Variants in COCH observed in about 807,000 individuals in gnomAD.
COCH encodes coagulation factor C homolog, cochlin (Limulus polyphemus).
Under a neutral mutation model 54.8 loss-of-function variants are expected in COCH, and 40 were observed. The ratio of observed to expected loss-of-function variants is 0.73; its 90% CI spans 0.57 to 0.95. COCH has a LOEUF of 0.95. Among genes scored for constraint, COCH ranks in the 40% least tolerant of loss-of-function variants. COCH has a pLI of 0.00. For missense variants in COCH, 605 were observed against 675.0 expected (o/e 0.90, Z 1.15); for synonymous variants, 256 against 237.9 (o/e 1.08, Z -0.70).
In COCH at chr14:30,885,791, A is replaced by G. The variant is rs747378845; in HGVS notation, c.961-5A>G. On this transcript the variant is annotated splice_region_variant and splice_polypyrimidine_tract_variant and intron_variant, in intron 10 of 11. Transcript: ENST00000396618. ...TGGATATCTTTTATGTGTCTCCCCC[A>G]TTAGGCTGTCTGTCGGAATAATGGC... 19 of 1,613,876 alleles carry G rather than the reference A, an allele frequency of 1.2e-5. No homozygotes were observed. The highest frequency in any genetic ancestry group is 5.9e-6 in the Non-Finnish European group (7 of 1,179,984).
At chr14:30,878,728 A>G in intron 4 of COCH, 83 bp from the exon 5 acceptor site, 1 of 1,589,890 alleles carries the variant, frequency 6.3e-7, no homozygotes, top group Non-Finnish European at 8.6e-7. Context: ...AATCAAAGCA[A>G]TAGATACAAC....
Position 30,885,543 on chromosome 14 carries a change from A to G in COCH, c.883A>G (p.Asn295Asp). 6.2e-7 allele frequency: 1 copy of G among 1,613,472 alleles called. No homozygotes were observed. The highest frequency in any genetic ancestry group is 8.5e-7 in the Non-Finnish European group (1 of 1,179,390). ...AGIVAREFGV[N>D]VFIVSVAKPI... ...CATTGTGGCCAGAGAGTTTGGTGTC[A>G]ATGTATTTATAGTTTCTGTGGCCAA... The change falls in exon 10 of 12, where the codon AAT becomes GAT. Residue 295 changes from asparagine to aspartate, a missense_variant. Transcript: ENST00000396618.
chr14:30,876,800 T>G (rs573805342), intron 3 of COCH, among the ~76,000 whole-genome samples: 2 of 149,140 alleles, frequency 1.3e-5, no homozygotes, highest in African/African-American at 4.9e-5. Flanking sequence ...GATTTAAAAA[T>G]TTTTTTTTTT....
chr14:30,879,070 G>C (rs1200928043), intron 5 of COCH, 126 bp downstream of exon 5: 1 of 1,380,904 alleles, frequency 7.2e-7, no homozygotes, highest in Non-Finnish European at 1.0e-6. Context: ...CTGACCTATA[G>C]AGGTAAACTG....
intron 11 of COCH, among the ~76,000 whole-genome samples, chr14:30,887,348 C>T (rs560925841): frequency 4.2e-4 from 64 of 151,004 alleles, no homozygotes; most frequent in African/African-American, 1.5e-3. Context: ...GAACTGAGAT[C>T]GTGCCATTGT....
rs763064870 is a variant in COCH at position 30,885,785 on chromosome 14, TC to T, written c.961-6del. ...TCCTTTTGGATATCTTTTATGTGTC[TC>T]CCCCATTAGGCTGTCTGTCGGAATA... On this transcript the variant is annotated splice_polypyrimidine_tract_variant and intron_variant, in intron 10 of 11. Transcript: ENST00000396618. 3.7e-6 allele frequency: 6 copies of T among 1,613,550 alleles called. No homozygotes were observed. In the East Asian group the frequency reaches 1.1e-4, roughly 30 times the overall value.
chr14:30,892,082 A>G (rs566888369), downstream of COCH, among the ~76,000 whole-genome samples: 55 of 148,696 alleles, frequency 3.7e-4, no homozygotes, highest in African/African-American at 1.2e-3. Context: ...AGAAATCAAC[A>G]TATTAAGATT....
intron 11 of COCH, among the ~76,000 whole-genome samples, chr14:30,888,664 T>G (rs1403070575): frequency 6.6e-6 from 1 of 151,944 alleles, no homozygotes; most frequent in Admixed American, 6.6e-5. Flanking sequence ...GGCATGCGCT[T>G]GTAGTCCCAG....
At chr14:30,893,808 T>C (rs1896056996), downstream of COCH, 1 of 152,600 alleles carries the variant, frequency 6.6e-6, no homozygotes, top group South Asian at 2.1e-4. Flanking sequence ...GAAATCTCCA[T>C]TTCCTAGTTT....
rs1352018177 is a variant in COCH, at chr14:30,887,372, C to T, written c.1477+1060C>T. Among the ~76,000 whole-genome samples the T allele has an allele frequency of 2.0e-5, 3 of 149,560 alleles. No individual in the cohort carries two copies. The Admixed American group carries it at 2.0e-4, about 10-fold the overall frequency. Reference sequence around the variant, plus strand: ...TCGTGCCATTGTACTCCAGCCTGGGCGACAGAGTGAGACTCTGTCTCAAAA... The same window carrying T: ...TCGTGCCATTGTACTCCAGCCTGGGTGACAGAGTGAGACTCTGTCTCAAAA... On this transcript the variant is annotated intron_variant, in intron 11 of 11. Coordinates refer to ENST00000396618, the MANE Select transcript of COCH (RefSeq NM_004086.3).
chr14:30,883,652 G>C (rs2138866662), intron 8 of COCH, among the ~76,000 whole-genome samples: 1 of 152,274 alleles, frequency 6.6e-6, no homozygotes, highest in East Asian at 1.9e-4. Flanking sequence ...AATGGCTACT[G>C]ATAATGCTAA....
intron 9 of COCH, 141 bp from the exon 10 acceptor site, chr14:30,885,253 A>G (rs1895743271): frequency 1.0e-6 from 1 of 957,582 alleles, no homozygotes; most frequent in Admixed American, 2.1e-5. Flanking sequence ...TGGGTTCTAT[A>G]TAATTCTTTT....
In COCH at chr14:30,886,154, T is replaced by C. The variant is rs769725783; in HGVS notation, c.1319T>C (p.Met440Thr). 3.1e-6 allele frequency: 5 copies of C among 1,611,962 alleles called. 1 individual carries two copies. In the South Asian group the frequency reaches 5.5e-5, roughly 18 times the overall value. Residue 440 changes from methionine to threonine, a missense_variant, in exon 11 of 12, where the codon ATG becomes ACG. Physicochemically the swap from Met to Thr is moderately conservative, Grantham distance 81. Coordinates refer to ENST00000396618, the MANE Select transcript of COCH (RefSeq NM_004086.3). The stretch of plus-strand genomic sequence containing the variant: ...GCTGTCATCAGAAACATCCGCTATA[T>C]GAGTGGTGGAACAGCTACTGGTGAT... The part of the protein sequence containing the change: ...VLAVIRNIRY[M>T]SGGTATGDAI...
downstream of COCH, chr14:30,894,970 G>C (rs1462412337): frequency 1.0e-6 from 1 of 987,920 alleles, no homozygotes; most frequent in East Asian, 9.6e-5. Flanking sequence ...AGATCACTAA[G>C]AGATGAAAAA....
chr14:30,880,688 T>A lies in COCH; in HGVS notation c.583T>A (p.Leu195Met). 1 of 1,614,026 alleles carries A rather than the reference T, an allele frequency of 6.2e-7. No individual in the cohort carries two copies. The highest frequency in any genetic ancestry group is 8.5e-7 in the Non-Finnish European group (1 of 1,179,924). Residue 195 changes from leucine to methionine, a missense_variant, in exon 8 of 12, where the codon TTG becomes ATG. Physicochemically the swap from Leu to Met is conservative, Grantham distance 15. Transcript: ENST00000396618. Reference protein sequence around the residue: ...KNFVGKVALMLGIGTEGPHVG... With the variant: ...KNFVGKVALMMGIGTEGPHVG... ...TTTTGTTGGAAAAGTGGCTCTAATG[T>A]TGGGAATTGGAACAGAAGGACCACA...
At chr14:30,894,714 A>C (rs147968034), downstream of COCH, 440 of 176,668 alleles carry the variant, frequency 2.5e-3, 6 homozygotes, top group African/African-American at 1.0e-2. Flanking sequence ...AAGTGGTTAC[A>C]GGGCAACGGG....
rs199608109 is a variant in COCH, at chr14:30,886,056, T to A, written c.1221T>A (p.Ala407=). ...FEISDIGAKI[A]AVQFTYDQRT... is the part of the protein sequence containing the mutation. ...TCTCGGACATTGGTGCCAAGATAGC[T>A]GCTGTACAGTTTACTTATGATCAGC... The change falls in exon 11 of 12, where the codon GCT becomes GCA. Residue 407 remains alanine (A), a synonymous_variant. Transcript: ENST00000396618. The A allele has an allele frequency of 6.2e-7, 1 of 1,614,264 alleles. No individual in the cohort carries two copies. The highest frequency in any genetic ancestry group is 8.5e-7 in the Non-Finnish European group (1 of 1,180,044).
At chr14:30,875,143 G>A in intron 3 of COCH, 40 bp downstream of exon 3, 1 of 1,545,942 alleles carries the variant, frequency 6.5e-7, no homozygotes, top group African/African-American at 1.4e-5. Flanking sequence ...CGGTCGCAGG[G>A]GCTGAGCACC....
intron 3 of COCH, 197 bp downstream of exon 3, chr14:30,875,300 T>G: frequency 1.3e-6 from 1 of 798,786 alleles, no homozygotes; most frequent in Non-Finnish European, 1.9e-6. Context: ...TCTCCCATGG[T>G]AGGGGGCCCC....
Sources: allele counts gnomAD v4.1 joint callset (sites outside exome capture counted in the v4.1 genomes callset), GRCh38; gene constraint gnomAD v4.1.1; transcripts MANE v1.5; gene names NCBI Gene and HGNC (gene_info 2026-07-23, HGNC 2026-07-21).